Variants in DAB1 observed in about 807,000 individuals in gnomAD.
DAB1 encodes disabled homolog 1.
In DAB1, 15 loss-of-function variants were observed where a neutral mutation model predicts 64.6. The ratio of observed to expected loss-of-function variants is 0.23; its 90% CI spans 0.16 to 0.36. DAB1 has a LOEUF of 0.36. Among genes scored for constraint, DAB1 ranks in the 10% least tolerant of loss-of-function variants. DAB1 has a pLI of 1.00. For missense variants in DAB1, 596 were observed against 706.7 expected (o/e 0.84, Z 1.78); for synonymous variants, 235 against 251.9 (o/e 0.93, Z 0.64).
intron 4 of DAB1, among the ~76,000 whole-genome samples, chr1:57,122,048 C>T (rs1047833170): frequency 6.6e-6 from 1 of 152,130 alleles, no homozygotes; most frequent in Non-Finnish European, 1.5e-5. Context: ...ATTTTGCAAA[C>T]ATTGCCTGTA....
At chr1:57,177,612 G>C (rs1662467306) in intron 2 of DAB1, among the ~76,000 whole-genome samples, 1 of 152,248 alleles carries the variant, frequency 6.6e-6, no homozygotes, top group Middle Eastern at 3.4e-3. Context: ...CATGGAAAAG[G>C]ACACTAGTAA....
rs551603816 is a variant in DAB1 at position 57,759,388 on chromosome 1, A to G, written n.552-109723T>C. ...AACTGTTGTGACCATTAAATAAGTC[A>G]GTATGTGTAAAGAGCTTAATTATGT... is the stretch of plus-strand genomic sequence containing the variant. On this transcript the variant is annotated intron_variant and non_coding_transcript_variant, in intron 6 of 20. Transcript: ENST00000485760. 1.5e-3 allele frequency among the ~76,000 whole-genome samples: 222 copies of G among 152,306 alleles called. 1 individual carries two copies. Among genetic ancestry groups the G allele is most frequent in the African/African-American group, 5.2e-3 (217 of 41,576 alleles).
chr1:57,491,159 TG>T (rs1644158670), intron 7 of DAB1, among the ~76,000 whole-genome samples: 1 of 152,198 alleles, frequency 6.6e-6, no homozygotes, highest in Admixed American at 6.5e-5. Context: ...CTGGGCGCGG[TG>T]GCTCACGCCT....
rs751156811 is a variant in DAB1 at position 58,527,257 on chromosome 1, T to C, written n.107+4A>G. Reference sequence around the variant, plus strand: ...TATGTATTCTCAACTACTAAACACTTTACCTTTGCAGCAAGCAGTAGTCCA... The same window carrying C: ...TATGTATTCTCAACTACTAAACACTCTACCTTTGCAGCAAGCAGTAGTCCA... On this transcript the variant is annotated splice_donor_region_variant and intron_variant and non_coding_transcript_variant, in intron 2 of 20. Transcript: ENST00000485760. The C allele has an allele frequency of 3.4e-6, 3 of 872,088 alleles. No individual in the cohort carries two copies. In the South Asian group the frequency reaches 3.9e-5, roughly 11 times the overall value. 54.0% of individuals were successfully genotyped at this position (872,088 alleles called of 1,614,324 possible).
intron 6 of DAB1, among the ~76,000 whole-genome samples, chr1:57,683,736 C>G (rs1646663801): frequency 6.6e-6 from 1 of 152,132 alleles, no homozygotes; most frequent in Non-Finnish European, 1.5e-5. Context: ...ATCTCCTTAC[C>G]TCCAAATGAG....
At chr1:57,166,734 C>G (rs1477459350) in intron 2 of DAB1, among the ~76,000 whole-genome samples, 1 of 152,172 alleles carries the variant, frequency 6.6e-6, no homozygotes, top group East Asian at 1.9e-4. Flanking sequence ...GCCAGAAAAG[C>G]TGTTGTAAAA....
chr1:57,216,548 G>T (rs1467423712), intron 2 of DAB1, among the ~76,000 whole-genome samples: 1 of 151,996 alleles, frequency 6.6e-6, no homozygotes, highest in Admixed American at 6.6e-5. Flanking sequence ...GCCAGTTTTG[G>T]CTCTAAATAA....
rs1191588175 is a variant in DAB1, at chr1:57,273,553, GCCTTCCTT to G, written c.67+17403_67+17410del. Among the ~76,000 whole-genome samples the G allele has an allele frequency of 3.0e-3, 187 of 61,878 alleles. 2 individuals are homozygous for G. Among genetic ancestry groups the G allele is most frequent in the Non-Finnish European group, 3.7e-3 (97 of 26,074 alleles). 40.6% of individuals were successfully genotyped at this position (61,878 alleles called of 152,430 possible). ...TGCCTGCCTGCCTGCCTGCCTGCCTGCCTTCCTTCCTTCCTTCCTTCCTTCCTTCCTTC... is the reference window on the plus strand; with the variant it reads ...TGCCTGCCTGCCTGCCTGCCTGCCTGCCTTCCTTCCTTCCTTCCTTCCTTC... On this transcript the variant is annotated intron_variant, in intron 2 of 14. Coordinates refer to ENST00000371236, the MANE Select transcript of DAB1 (RefSeq NM_001365792.1).
chr1:57,741,572 C>T (rs1457777736), intron 6 of DAB1, among the ~76,000 whole-genome samples: 1 of 152,160 alleles, frequency 6.6e-6, no homozygotes, highest in South Asian at 2.1e-4. Context: ...CAGTTGGGAC[C>T]ATTTACTGAA....
chr1:57,267,531 A>G (rs559277179), intron 2 of DAB1, among the ~76,000 whole-genome samples: 3 of 152,342 alleles, frequency 2.0e-5, no homozygotes, highest in East Asian at 1.9e-4. Context: ...CTGTGGTATC[A>G]TAATCCCTCC....
At chr1:57,172,062 T>C (rs1661822327) in intron 2 of DAB1, among the ~76,000 whole-genome samples, 2 of 152,114 alleles carry the variant, frequency 1.3e-5, no homozygotes, top group Non-Finnish European at 1.5e-5. Flanking sequence ...CTTGGCATCT[T>C]CTGGCTTGTA....
Position 57,122,537 on chromosome 1 carries a change from A to C in DAB1, c.306+14006T>G, listed in dbSNP as rs893342535. The stretch of plus-strand genomic sequence containing the variant: ...TAGAGAAATAACCTCAAGAGGTTTA[A>C]GGTGCATTCAGTTCTCTAGAAGACC... On this transcript the variant is annotated intron_variant, in intron 4 of 14. Coordinates refer to ENST00000371236, the MANE Select transcript of DAB1 (RefSeq NM_001365792.1). Among the ~76,000 whole-genome samples the C allele has an allele frequency of 5.9e-5, 9 of 152,204 alleles. No individual in the cohort carries two copies. The South Asian group carries it at 1.9e-3, about 32-fold the overall frequency.
In DAB1 at chr1:57,405,200, A is replaced by G. The variant is rs370812064; in HGVS notation, c.-137+18730T>C. Among the ~76,000 whole-genome samples the G allele has an allele frequency of 1.1e-4, 17 of 152,368 alleles. 1 individual carries two copies. The South Asian group carries it at 3.3e-3, about 30-fold the overall frequency. The stretch of plus-strand genomic sequence containing the variant: ...GATACAAACTTCACTGCTGTCCAGC[A>G]AACAGCTAAGAACACCCCAGAATTG... On this transcript the variant is annotated intron_variant, in intron 1 of 14. Transcript: ENST00000371236.
At chr1:57,152,020 G>T (rs1461732489) in intron 2 of DAB1, among the ~76,000 whole-genome samples, 1 of 151,984 alleles carries the variant, frequency 6.6e-6, no homozygotes, top group African/African-American at 2.4e-5. Flanking sequence ...CCCCATGTTG[G>T]CCAGGCTGGT....
At chr1:57,024,702 T>C (rs1321661035) in intron 10 of DAB1, among the ~76,000 whole-genome samples, 2 of 152,216 alleles carry the variant, frequency 1.3e-5, no homozygotes, top group African/African-American at 4.8e-5. Flanking sequence ...GTGAGTCACA[T>C]GTCCTCTCTG....
At position 58,371,730 on chromosome 1, in the gene DAB1, G is replaced by T. The variant is rs553445487; in HGVS notation, n.258-28327C>A. 3.9e-5 allele frequency among the ~76,000 whole-genome samples: 6 copies of T among 152,302 alleles called. No homozygotes were observed. In the South Asian group the frequency reaches 1.2e-3, roughly 32 times the overall value. On this transcript the variant is annotated intron_variant and non_coding_transcript_variant, in intron 3 of 20. Transcript: ENST00000485760. ...GCTCTGTGAAGCCTCAGGACTTGAT[G>T]ACCTGCATCGCAGCTGCTCCACCTC...
At chr1:58,365,843 C>T (rs1644211655) in intron 3 of DAB1, among the ~76,000 whole-genome samples, 1 of 152,124 alleles carries the variant, frequency 6.6e-6, no homozygotes, top group African/African-American at 2.4e-5. Flanking sequence ...GTCCTAGGCC[C>T]CTCACTTGCC....
chr1:57,020,247 G>A (rs1333882631), intron 11 of DAB1, among the ~76,000 whole-genome samples: 4 of 152,204 alleles, frequency 2.6e-5, no homozygotes, highest in Non-Finnish European at 1.5e-5. Flanking sequence ...AAGATTTGAT[G>A]CAGCTACACA....
rs1443224982 is a variant in DAB1, at chr1:57,015,301, G to A, written c.1026C>T (p.Gly342=). Residue 342 remains glycine, a synonymous_variant, in exon 12 of 15, where the codon GGC becomes GGT. Transcript: ENST00000371236. Reference sequence around the variant, plus strand: ...GAGTGGCAGGAAAGAGACCCGGCTGGCCCCATGCGATGGGCTGAGCCCCCG... The same window carrying A: ...GAGTGGCAGGAAAGAGACCCGGCTGACCCCATGCGATGGGCTGAGCCCCCG... ...VMPGAQPIAW[G]QPGLFPATQQ... is the part of the protein sequence containing the mutation. 2.5e-5 allele frequency: 40 copies of A among 1,613,968 alleles called. No homozygotes were observed. Among genetic ancestry groups the A allele is most frequent in the Non-Finnish European group, 3.3e-5 (39 of 1,180,036 alleles).
Sources: allele counts gnomAD v4.1 joint callset (sites outside exome capture counted in the v4.1 genomes callset), GRCh38; gene constraint gnomAD v4.1.1; transcripts MANE v1.5; gene names NCBI Gene and HGNC (gene_info 2026-07-23, HGNC 2026-07-21).